ZNF670: variants seen among roughly 807,000 people sequenced by gnomAD.
ZNF670 encodes zinc finger protein 670.
ZNF670 carries 7 observed loss-of-function variants against 10.9 expected under a neutral mutation model. The ratio of observed to expected loss-of-function variants is 0.64; its 90% CI spans 0.36 to 1.20. The LOEUF is 1.20. Ranked by LOEUF, ZNF670 falls within the 50% of genes most tolerant of loss-of-function variation. ZNF670 has a pLI of 0.02. For missense variants in ZNF670, 446 were observed against 458.6 expected (o/e 0.97, Z 0.25); for synonymous variants, 136 against 152.7 (o/e 0.89, Z 0.81).
chr1:247,043,615 A>G, intron 1 of ZNF670: 3 of 573,010 alleles, frequency 5.2e-6, no homozygotes, highest in South Asian at 1.4e-5. Context: ...AGATGTCAGA[A>G]TAACATCAAA....
chr1:247,073,989 T>C (rs575023955), intron 1 of ZNF670, among the ~76,000 whole-genome samples: 2 of 152,294 alleles, frequency 1.3e-5, no homozygotes, highest in Admixed American at 1.3e-4. Flanking sequence ...CACGGGAACA[T>C]AGCAGGGGAA....
At chr1:247,058,754 T>C (rs979778488) in intron 1 of ZNF670, among the ~76,000 whole-genome samples, 36 of 146,912 alleles carry the variant, frequency 2.5e-4, no homozygotes, top group African/African-American at 8.8e-4. Context: ...AACAACTCCA[T>C]GACCACTAGA....
At position 247,034,913 on chromosome 1, in the gene ZNF670, A is replaced by C. The variant is rs74155737; in HGVS notation, c.*2536T>G. On this transcript the variant is annotated 3_prime_UTR_variant, in exon 4 of 4. Transcript: ENST00000366503. ...ACTGCCTCAATGTGGGGTACCTTGGAAACTGCCTGCCAAACACAGGTCAAG... is the reference window on the plus strand; with the variant it reads ...ACTGCCTCAATGTGGGGTACCTTGGCAACTGCCTGCCAAACACAGGTCAAG... 0.028 allele frequency among the ~76,000 whole-genome samples: 4,209 copies of C among 152,288 alleles called. 198 individuals carry two copies. Among genetic ancestry groups the C allele is most frequent in the African/African-American group, 0.094 (3,904 of 41,526 alleles).
At chr1:247,076,458 A>G (rs1353141788) in intron 1 of ZNF670, among the ~76,000 whole-genome samples, 12 of 151,514 alleles carry the variant, frequency 7.9e-5, no homozygotes, top group African/African-American at 2.7e-4. Context: ...GGGTTTCATC[A>G]CATTAGCCAG....
intron 1 of ZNF670, among the ~76,000 whole-genome samples, chr1:247,071,435 C>G (rs954413975): frequency 1.3e-5 from 2 of 152,192 alleles, no homozygotes; most frequent in African/African-American, 4.8e-5. Context: ...TACACACAGA[C>G]ACAAAGAGTT....
intron 1 of ZNF670, among the ~76,000 whole-genome samples, chr1:247,072,357 G>A (rs1671138267): frequency 7.1e-6 from 1 of 140,078 alleles, no homozygotes. Flanking sequence ...GTCTCATCAT[G>A]TTGCCCAGGC....
intron 1 of ZNF670, among the ~76,000 whole-genome samples, chr1:247,062,964 G>A (rs1285917114): frequency 6.6e-6 from 1 of 152,200 alleles, no homozygotes; most frequent in Non-Finnish European, 1.5e-5. Flanking sequence ...AAAGGCAAGA[G>A]GGTGGCTGAG....
At chr1:247,073,219 A>C (rs150935716) in intron 1 of ZNF670, among the ~76,000 whole-genome samples, 3 of 152,312 alleles carry the variant, frequency 2.0e-5, no homozygotes, top group African/African-American at 7.2e-5. Flanking sequence ...CAAGAAAATC[A>C]AAATCTCACA....
In ZNF670 at chr1:247,066,133, T is replaced by C. The variant is rs144755585; in HGVS notation, c.3+12461A>G. On this transcript the variant is annotated intron_variant, in intron 1 of 3. Transcript: ENST00000366503. Reference sequence around the variant, plus strand: ...AACCAGACACAGTCAGGACGATCTTTTGCCCACAAAGCAGACCATCAAGTA... The same window carrying C: ...AACCAGACACAGTCAGGACGATCTTCTGCCCACAAAGCAGACCATCAAGTA... Among the ~76,000 whole-genome samples, 257 of 152,306 alleles carry C rather than the reference T, an allele frequency of 1.7e-3. 1 individual carries two copies. Among genetic ancestry groups the C allele is most frequent in the African/African-American group, 6.0e-3 (251 of 41,568 alleles).
intron 1 of ZNF670, among the ~76,000 whole-genome samples, chr1:247,061,539 C>G (rs7522300): frequency 0.35 from 53,749 of 151,784 alleles, 10,976 homozygotes; most frequent in African/African-American, 0.55. Context: ...ATAGAAAAAA[C>G]TATACAACGA....
intron 1 of ZNF670, among the ~76,000 whole-genome samples, chr1:247,040,405 A>C (rs1670276314): frequency 6.6e-6 from 1 of 152,186 alleles, no homozygotes; most frequent in African/African-American, 2.4e-5. Flanking sequence ...GCTTAGAAGA[A>C]ACTCAATGTC....
intron 1 of ZNF670, among the ~76,000 whole-genome samples, chr1:247,074,099 C>CA (rs1445469083): frequency 1.3e-5 from 2 of 152,178 alleles, no homozygotes; most frequent in African/African-American, 4.8e-5. Flanking sequence ...TGAAAACAAA[C>CA]ACCTTCTCAT....
intron 3 of ZNF670, 121 bp from the exon 4 acceptor site, chr1:247,038,548 A>T: frequency 9.5e-7 from 1 of 1,047,678 alleles, no homozygotes; most frequent in Non-Finnish European, 1.4e-6. Flanking sequence ...TAAATTAATT[A>T]CTGTAAGATA....
rs575629909 is a variant in ZNF670, at chr1:247,036,496, T to C, written c.*953A>G. On this transcript the variant is annotated 3_prime_UTR_variant, in exon 4 of 4. Coordinates refer to ENST00000366503, the MANE Select transcript of ZNF670 (RefSeq NM_033213.5). ...AGCGAGATCCCATCTCTATAAAAAA[T>C]TTTTAAAATTATATAATTAGCTGAG... is the stretch of plus-strand genomic sequence containing the variant. Among the ~76,000 whole-genome samples, 1 of 152,052 alleles carries C rather than the reference T, an allele frequency of 6.6e-6. No homozygotes were observed.
chr1:247,043,591 T>C (rs1485855476), intron 1 of ZNF670: 3 of 628,908 alleles, frequency 4.8e-6, no homozygotes, highest in African/African-American at 1.8e-5. Context: ...CACTTCAGCA[T>C]TGGGAGCACC....
rs1466755341 is a variant in ZNF670 at position 247,035,748 on chromosome 1, T to C, written c.*1701A>G. On this transcript the variant is annotated 3_prime_UTR_variant, in exon 4 of 4. Coordinates refer to ENST00000366503, the MANE Select transcript of ZNF670 (RefSeq NM_033213.5). ...ATACTAGGGCACACCAATTTGACTA[T>C]AAATGCAAAAGGCCCCAACAATACA... 6.6e-6 allele frequency among the ~76,000 whole-genome samples: 1 copy of C among 152,214 alleles called. No homozygotes were observed. Among genetic ancestry groups the C allele is most frequent in the African/African-American group, 2.4e-5 (1 of 41,450 alleles).
chr1:247,062,072 A>G (rs1226503160), intron 1 of ZNF670, among the ~76,000 whole-genome samples: 1 of 152,270 alleles, frequency 6.6e-6, no homozygotes. Flanking sequence ...TGCAGCACCA[A>G]TCAGCCAAGT....
chr1:247,062,449 C>CT (rs1467581633), intron 1 of ZNF670, among the ~76,000 whole-genome samples: 5 of 151,892 alleles, frequency 3.3e-5, no homozygotes, highest in African/African-American at 1.2e-4. Context: ...AATATTTTAC[C>CT]TTTTTATCTC....
At position 247,039,452 on chromosome 1, in the gene ZNF670, CTG is replaced by C. The variant is rs750452420; in HGVS notation, c.87_88del (p.Tyr29Ter). On this transcript the variant is annotated stop_gained and frameshift_variant, in exon 2 of 4. Transcript: ENST00000366503. LOFTEE classifies it high-confidence loss of function. ...CCTGAAGATTTCTTGCATCACATCT[CTG>C]TAGAGATTCTTTTGAGAAGGATCCA... 1.2e-6 allele frequency: 2 copies of C among 1,608,962 alleles called. No homozygotes were observed. Among genetic ancestry groups the C allele is most frequent in the South Asian group, 1.1e-5 (1 of 90,284 alleles).
Sources: allele counts gnomAD v4.1 joint callset (sites outside exome capture counted in the v4.1 genomes callset), GRCh38; gene constraint gnomAD v4.1.1; transcripts MANE v1.5; gene names NCBI Gene and HGNC (gene_info 2026-07-23, HGNC 2026-07-21).